TOX3: variants seen among roughly 807,000 people sequenced by gnomAD.
TOX3 encodes the protein CAG trinucleotide repeat-containing gene F9 protein.
TOX3 carries 22 observed loss-of-function variants against 64.3 expected under a neutral mutation model. The observed-to-expected ratio is 0.34, with a 90% CI of 0.24 to 0.49. TOX3 has a LOEUF of 0.49. Among genes scored for constraint, TOX3 ranks in the 20% least tolerant of loss-of-function variants. TOX3 has a pLI of 0.99. For synonymous variants in TOX3, 291 were observed against 273.6 expected, an observed-to-expected ratio of 1.06 and a Z score of -0.63; for missense variants, 661 against 714.4, an observed-to-expected ratio of 0.93 and a Z score of 0.85.
Position 52,458,396 on chromosome 16 carries a change from A to G in TOX3, c.408+5538T>C, listed in dbSNP as rs116372812. 4.2e-3 allele frequency among the ~76,000 whole-genome samples: 647 copies of G among 152,258 alleles called. 5 individuals are homozygous for G. Among genetic ancestry groups the G allele is most frequent in the African/African-American group, 0.015 (617 of 41,534 alleles). On this transcript the variant is annotated intron_variant, in intron 3 of 6. Coordinates refer to ENST00000219746, the MANE Select transcript of TOX3 (RefSeq NM_001080430.4). ...ATAAAAGGAACAGGGGTAATGGCATACAGAGTAACTCTCACCTCTCCAAAA... is the reference window on the plus strand; with the variant it reads ...ATAAAAGGAACAGGGGTAATGGCATGCAGAGTAACTCTCACCTCTCCAAAA...
chr16:52,506,468 G>A (rs1171910549), intron 1 of TOX3, among the ~76,000 whole-genome samples: 1 of 152,126 alleles, frequency 6.6e-6, no homozygotes, highest in East Asian at 1.9e-4. Context: ...TTGGATTGGA[G>A]ACAGATTGGA....
intron 1 of TOX3, among the ~76,000 whole-genome samples, chr16:52,516,976 C>A (rs1439449047): frequency 1.1e-4 from 17 of 152,140 alleles, no homozygotes; most frequent in Admixed American, 1.1e-3. Flanking sequence ...CCTACAGAGA[C>A]TTACCTAGAA....
intron 1 of TOX3, among the ~76,000 whole-genome samples, chr16:52,530,937 T>C (rs933488075): frequency 6.6e-6 from 1 of 152,184 alleles, no homozygotes; most frequent in Non-Finnish European, 1.5e-5. Flanking sequence ...TTGTACCTGT[T>C]TAAAGCTCCA....
At chr16:52,545,173 A>C (rs1302761881) in intron 1 of TOX3, among the ~76,000 whole-genome samples, 1 of 152,212 alleles carries the variant, frequency 6.6e-6, no homozygotes, top group Non-Finnish European at 1.5e-5. Context: ...CTAATCCTTA[A>C]CTCTGGCTCC....
rs552777002 is a variant in TOX3 at position 52,510,332 on chromosome 16, T to C, written c.87+36305A>G. On this transcript the variant is annotated intron_variant, in intron 1 of 6. Transcript: ENST00000219746. ...ATCAAAGTAATATTTGGGACCAGGG[T>C]CTTACAAATCTAGAGTAAGTATGTT... Among the ~76,000 whole-genome samples, 6 of 152,236 alleles carry C rather than the reference T, an allele frequency of 3.9e-5. No homozygotes were observed. The East Asian group carries it at 5.8e-4, about 15-fold the overall frequency.
intron 1 of TOX3, among the ~76,000 whole-genome samples, chr16:52,522,578 CCTT>C (rs1283512356): frequency 1.3e-5 from 2 of 152,136 alleles, no homozygotes; most frequent in African/African-American, 2.4e-5. Context: ...TGAGCCCTGT[CCTT>C]CTGCAAACTC....
chr16:52,521,114 C>G (rs775715084), intron 1 of TOX3, among the ~76,000 whole-genome samples: 4 of 152,136 alleles, frequency 2.6e-5, no homozygotes, highest in Non-Finnish European at 5.9e-5. Context: ...CTCTCTTCCC[C>G]TATAATGTGT....
chr16:52,459,765 G>T (rs1356344364), intron 3 of TOX3, among the ~76,000 whole-genome samples: 1 of 152,030 alleles, frequency 6.6e-6, no homozygotes, highest in Non-Finnish European at 1.5e-5. Flanking sequence ...ATTAAGCAAC[G>T]TTGCTAAAAA....
At position 52,439,468 on chromosome 16, in the gene TOX3, ATGC is replaced by A. The variant is rs769861854; in HGVS notation, c.1485_1487del (p.Gln495del). The stretch of plus-strand genomic sequence containing the variant: ...GCTGTTGATTAATTTGCTGCTGGAG[ATGC>A]TGCTGCTGCTGCTGCAGGTGCTGCT... On this transcript the variant is annotated inframe_deletion, in exon 7 of 7. Transcript: ENST00000219746. 504 of 1,439,610 alleles carry A rather than the reference ATGC, an allele frequency of 3.5e-4. No individual in the cohort carries two copies. Among genetic ancestry groups the A allele is most frequent in the Non-Finnish European group, 4.2e-4 (444 of 1,045,760 alleles). 89.2% of individuals were successfully genotyped at this position (1,439,610 alleles called of 1,614,324 possible).
At chr16:52,544,054 G>A (rs1177196083) in intron 1 of TOX3, among the ~76,000 whole-genome samples, 2 of 152,194 alleles carry the variant, frequency 1.3e-5, no homozygotes, top group African/African-American at 4.8e-5. Flanking sequence ...TAAAACAAGA[G>A]AGGGAAGAAA....
intron 1 of TOX3, among the ~76,000 whole-genome samples, chr16:52,481,559 G>A (rs2151449325): frequency 6.6e-6 from 1 of 152,184 alleles, no homozygotes; most frequent in African/African-American, 2.4e-5. Context: ...AATCACTTAA[G>A]CCAAACAAGA....
intron 3 of TOX3, among the ~76,000 whole-genome samples, chr16:52,454,975 T>G (rs1338930087): frequency 6.6e-6 from 1 of 152,206 alleles, no homozygotes; most frequent in East Asian, 1.9e-4. Flanking sequence ...AATGTGATTT[T>G]GTTAATATTA....
At chr16:52,495,315 C>T (rs1357635554) in intron 1 of TOX3, among the ~76,000 whole-genome samples, 2 of 152,224 alleles carry the variant, frequency 1.3e-5, no homozygotes, top group East Asian at 1.9e-4. Context: ...AAATTCATTT[C>T]GTCCCAGGAT....
At chr16:52,525,234 C>A (rs539283148) in intron 1 of TOX3, among the ~76,000 whole-genome samples, 7 of 152,150 alleles carry the variant, frequency 4.6e-5, no homozygotes, top group African/African-American at 1.7e-4. Context: ...TTTGAGTATA[C>A]TAAAGATCCA....
At chr16:52,520,685 A>G (rs1962587055) in intron 1 of TOX3, among the ~76,000 whole-genome samples, 1 of 152,184 alleles carries the variant, frequency 6.6e-6, no homozygotes, top group African/African-American at 2.4e-5. Context: ...GCAGCACCCC[A>G]TAGTCAAACA....
intron 1 of TOX3, among the ~76,000 whole-genome samples, chr16:52,540,136 T>G (rs1963044375): frequency 6.6e-6 from 1 of 152,066 alleles, no homozygotes; most frequent in African/African-American, 2.4e-5. Flanking sequence ...CTCAGCACTT[T>G]GGGAGGTCAA....
chr16:52,538,402 A>G (rs137961862), intron 1 of TOX3, among the ~76,000 whole-genome samples: 48 of 152,296 alleles, frequency 3.2e-4, no homozygotes, highest in African/African-American at 1.1e-3. Flanking sequence ...CTTATTACAA[A>G]TTAGCTGTAG....
intron 1 of TOX3, among the ~76,000 whole-genome samples, chr16:52,523,608 A>G (rs538822663): frequency 2.6e-5 from 4 of 152,238 alleles, no homozygotes; most frequent in Non-Finnish European, 5.9e-5. Context: ...AAAGACTGAC[A>G]GGGAACCAAA....
intron 4 of TOX3, among the ~76,000 whole-genome samples, chr16:52,448,916 C>T (rs1251880723): frequency 6.6e-6 from 1 of 152,174 alleles, no homozygotes; most frequent in Non-Finnish European, 1.5e-5. Flanking sequence ...GAGAACACTC[C>T]TCTCTTTGTG....
Sources: gnomAD v4.1 joint callset for allele counts (sites outside exome capture counted in the v4.1 genomes callset) on GRCh38, gnomAD v4.1.1 for gene constraint, MANE v1.5 for transcripts, NCBI Gene and HGNC (gene_info 2026-07-23, HGNC 2026-07-21) for gene names.